The following EYA1 variants were observed in gnomAD, a reference collection of about 807,000 sequenced individuals.
EYA1 encodes EYA transcriptional coactivator and phosphatase 1.
EYA1 carries 16 observed loss-of-function variants against 82.0 expected under a neutral mutation model. The ratio of observed to expected loss-of-function variants is 0.20; its 90% confidence interval spans 0.13 to 0.30. The LOEUF is 0.30. Ranked by LOEUF, EYA1 falls within the 10% of genes least tolerant of loss-of-function variation. The pLI, the probability that EYA1 is intolerant of heterozygous loss-of-function variation, is 1.00. For missense variants in EYA1, 633 were observed against 730.7 expected (o/e 0.87, Z 1.54); for synonymous variants, 261 against 264.4 (o/e 0.99, Z 0.12).
chr8:71,298,833 G>A (rs56232555), intron 9 of EYA1, among the ~76,000 whole-genome samples: 7 of 152,026 alleles, frequency 4.6e-5, no homozygotes, highest in Non-Finnish European at 8.8e-5. Context: ...TCTATTTCAT[G>A]TGCTTTTGAT....
intron 1 of EYA1, 65 bp downstream of exon 1, chr8:71,361,582 G>C (rs1292665660): frequency 2.4e-6 from 2 of 826,338 alleles, no homozygotes; most frequent in Non-Finnish European, 1.5e-6. Flanking sequence ...TGTTAGCTTG[G>C]GCTTTGCCCA....
chr8:71,330,851 TTG>T (rs35043341), intron 4 of EYA1, among the ~76,000 whole-genome samples: 103 of 147,056 alleles, frequency 7.0e-4, no homozygotes, highest in African/African-American at 2.3e-3. Flanking sequence ...CCTTGATTTC[TTG>T]TGTGTGTGTG....
At chr8:71,514,151 G>C (rs548188583) in intron 2 of EYA1, among the ~76,000 whole-genome samples, 49 of 152,178 alleles carry the variant, frequency 3.2e-4, no homozygotes, top group Non-Finnish European at 6.6e-4. Flanking sequence ...TATATACACA[G>C]CACTGGAATT....
intron 2 of EYA1, among the ~76,000 whole-genome samples, chr8:71,405,945 G>T (rs548956036): frequency 6.6e-6 from 1 of 152,080 alleles, no homozygotes; most frequent in African/African-American, 2.4e-5. Context: ...GCCACAATTT[G>T]CAGGAAATAT....
intron 3 of EYA1, among the ~76,000 whole-genome samples, chr8:71,334,474 A>G (rs1824260280): frequency 6.6e-6 from 1 of 152,224 alleles, no homozygotes. Context: ...ATTATCTCTC[A>G]AAATCTACAT....
chr8:71,535,878 ATTAATTGTGTGGC>A, intron 1 of EYA1: 1 of 603,820 alleles, frequency 1.7e-6, no homozygotes, highest in Admixed American at 3.9e-5. Context: ...ACACAGCTGT[ATTAATTGTGTGGC>A]ATGAAATTCA....
intron 2 of EYA1, among the ~76,000 whole-genome samples, chr8:71,525,332 A>G (rs1216359126): frequency 1.3e-5 from 2 of 152,218 alleles, no homozygotes; most frequent in Non-Finnish European, 2.9e-5. Context: ...AAAAAAATAT[A>G]TGAGAATGTG....
intron 2 of EYA1, among the ~76,000 whole-genome samples, chr8:71,502,672 T>C (rs1811890949): frequency 6.6e-6 from 1 of 152,212 alleles, no homozygotes; most frequent in South Asian, 2.1e-4. Context: ...GATTATGACT[T>C]TGAACTTATC....
intron 11 of EYA1, among the ~76,000 whole-genome samples, chr8:71,263,941 A>G (rs1025964380): frequency 1.3e-4 from 20 of 152,238 alleles, no homozygotes; most frequent in Admixed American, 1.3e-3. Flanking sequence ...CAAATTTGGG[A>G]GCATTCAATC....
At chr8:71,306,837 A>G (rs1820789301) in intron 7 of EYA1, among the ~76,000 whole-genome samples, 1 of 152,196 alleles carries the variant, frequency 6.6e-6, no homozygotes, top group Non-Finnish European at 1.5e-5. Flanking sequence ...AGTACTAAGC[A>G]AGTCTCCCTT....
At chr8:71,525,666 T>C (rs1230797746) in intron 2 of EYA1, among the ~76,000 whole-genome samples, 1 of 152,186 alleles carries the variant, frequency 6.6e-6, no homozygotes, top group Non-Finnish European at 1.5e-5. Context: ...TTAATAGAGT[T>C]CCAGTTAATG....
At chr8:71,477,063 C>A (rs1340167111) in intron 2 of EYA1, among the ~76,000 whole-genome samples, 2 of 151,892 alleles carry the variant, frequency 1.3e-5, no homozygotes, top group African/African-American at 4.8e-5. Context: ...CACATCAAGA[C>A]CTAAGATTAA....
At chr8:71,442,697 G>A (rs150634418) in intron 2 of EYA1, among the ~76,000 whole-genome samples, 24 of 152,194 alleles carry the variant, frequency 1.6e-4, no homozygotes, top group East Asian at 1.5e-3. Flanking sequence ...AACTCAATTC[G>A]TCTTTATAAT....
chr8:71,313,019 T>C (rs1244043849), intron 7 of EYA1, among the ~76,000 whole-genome samples: 3 of 152,158 alleles, frequency 2.0e-5, no homozygotes. Context: ...GCAGGGCCCA[T>C]GACCAACAAG....
intron 2 of EYA1, among the ~76,000 whole-genome samples, chr8:71,466,715 T>C (rs80052957): frequency 6.6e-6 from 1 of 152,096 alleles, no homozygotes; most frequent in Non-Finnish European, 1.5e-5. Context: ...AAATATGTTG[T>C]TGTTTTCTCA....
At chr8:71,406,286 C>A (rs79302099) in intron 2 of EYA1, among the ~76,000 whole-genome samples, 87 of 152,178 alleles carry the variant, frequency 5.7e-4, no homozygotes, top group African/African-American at 2.0e-3. Context: ...TATGAATTCA[C>A]AAAAAATGGT....
At chr8:71,218,809 C>T (rs1809528441) in intron 12 of EYA1, among the ~76,000 whole-genome samples, 1 of 147,076 alleles carries the variant, frequency 6.8e-6, no homozygotes, top group African/African-American at 2.5e-5. Context: ...TTCTTTAGAG[C>T]GTGTGGTTAG....
intron 3 of EYA1, among the ~76,000 whole-genome samples, chr8:71,341,764 C>T (rs1563499064): frequency 6.6e-6 from 1 of 152,148 alleles, no homozygotes; most frequent in Non-Finnish European, 1.5e-5. Context: ...AACATTAGCT[C>T]TTCAATGGTA....
At chr8:71,267,693 CA>C (rs1563726398) in intron 11 of EYA1, among the ~76,000 whole-genome samples, 2 of 152,058 alleles carry the variant, frequency 1.3e-5, no homozygotes, top group African/African-American at 2.4e-5. Flanking sequence ...GGACTACAGG[CA>C]CCTGCCACCA....
Sources: gnomAD v4.1 joint callset for allele counts (sites outside exome capture counted in the v4.1 genomes callset) on GRCh38, gnomAD v4.1.1 for gene constraint, MANE v1.5 for transcripts, NCBI Gene and HGNC (gene_info 2026-07-23, HGNC 2026-07-21) for gene names.